SLC44A5: variants seen among roughly 807,000 people sequenced by gnomAD.
SLC44A5 encodes solute carrier family 44 member 5.
In SLC44A5, 57 loss-of-function variants were observed where a neutral mutation model predicts 101.8. The ratio of observed to expected loss-of-function variants is 0.56; its 90% CI spans 0.45 to 0.70. The LOEUF (loss-of-function observed/expected upper bound fraction) is 0.70. Among genes scored for constraint, SLC44A5 ranks in the 30% least tolerant of loss-of-function variants. SLC44A5 has a pLI of 0.00. For synonymous variants in SLC44A5, 281 were observed against 290.9 expected (o/e 0.97, Z 0.35); for missense variants, 737 against 853.1 (o/e 0.86, Z 1.70).
intron 2 of SLC44A5, among the ~76,000 whole-genome samples, chr1:75,469,381 G>A (rs936063680): frequency 5.3e-5 from 8 of 152,206 alleles, no homozygotes; most frequent in Middle Eastern, 3.4e-3. Flanking sequence ...CATAATAAGC[G>A]TGAGCTGTAA....
chr1:75,280,532 C>T (rs1367108879), intron 5 of SLC44A5, among the ~76,000 whole-genome samples: 1 of 136,450 alleles, frequency 7.3e-6, no homozygotes, highest in Non-Finnish European at 1.5e-5. Flanking sequence ...TCTTTATTCA[C>T]TCATTGATTG....
the SLC44A5 span, among the ~76,000 whole-genome samples, chr1:75,691,010 A>G: frequency 6.6e-6 from 1 of 151,822 alleles, no homozygotes; most frequent in Admixed American, 6.6e-5. Flanking sequence ...AAAGAAACCC[A>G]TAAAGGTGGA....
At chr1:75,578,240 C>T (rs1412716) in intron 1 of SLC44A5, among the ~76,000 whole-genome samples, 3,168 of 151,814 alleles carry the variant, frequency 0.021, 35 homozygotes, top group Non-Finnish European at 0.032. Flanking sequence ...TTTTATGATT[C>T]CTTAAAAGTT....
chr1:75,338,722 G>A (rs1439606253), intron 4 of SLC44A5, among the ~76,000 whole-genome samples: 1 of 152,076 alleles, frequency 6.6e-6, no homozygotes, highest in African/African-American at 2.4e-5. Flanking sequence ...TACAAAATTA[G>A]AACAAACTGA....
At chr1:75,486,818 C>T (rs1668176602) in intron 2 of SLC44A5, among the ~76,000 whole-genome samples, 2 of 152,150 alleles carry the variant, frequency 1.3e-5, no homozygotes, top group South Asian at 4.1e-4. Flanking sequence ...CATTTTCTTT[C>T]TGTTCTGAAT....
At chr1:75,475,624 A>G (rs1667340246) in intron 2 of SLC44A5, among the ~76,000 whole-genome samples, 1 of 152,174 alleles carries the variant, frequency 6.6e-6, no homozygotes, top group South Asian at 2.1e-4. Context: ...TCTAATATAT[A>G]TGTCTCACTT....
At chr1:75,299,140 T>C (rs1333664878) in intron 5 of SLC44A5, among the ~76,000 whole-genome samples, 1 of 152,200 alleles carries the variant, frequency 6.6e-6, no homozygotes, top group African/African-American at 2.4e-5. Flanking sequence ...AGAAAATTTA[T>C]TTTATTATAA....
intron 2 of SLC44A5, among the ~76,000 whole-genome samples, chr1:75,442,216 A>G (rs933721645): frequency 6.6e-5 from 10 of 152,160 alleles, no homozygotes; most frequent in African/African-American, 2.2e-4. Flanking sequence ...TTTTCACAAC[A>G]TAATACTTAG....
intron 2 of SLC44A5, among the ~76,000 whole-genome samples, chr1:75,508,196 C>G (rs1669377243): frequency 6.6e-6 from 1 of 151,984 alleles, no homozygotes; most frequent in Admixed American, 6.6e-5. Context: ...AAATAGAAAT[C>G]AATACCAAAA....
At chr1:75,666,874 C>T in the SLC44A5 span, among the ~76,000 whole-genome samples, 68 of 152,220 alleles carry the variant, frequency 4.5e-4, no homozygotes, top group Middle Eastern at 6.8e-3. Flanking sequence ...AGGCATTCAA[C>T]AAAATTCAAC....
the SLC44A5 span, among the ~76,000 whole-genome samples, chr1:75,720,951 C>T: frequency 6.6e-6 from 1 of 151,856 alleles, no homozygotes; most frequent in Non-Finnish European, 1.5e-5. Context: ...AGACCTGGAA[C>T]CAACAGAAAG....
chr1:75,546,879 C>T (rs1377195453), intron 1 of SLC44A5, among the ~76,000 whole-genome samples: 1 of 152,114 alleles, frequency 6.6e-6, no homozygotes, highest in Non-Finnish European at 1.5e-5. Context: ...TAAACTCATA[C>T]TAACTTGTTA....
At chr1:75,571,500 A>C (rs970887699) in intron 1 of SLC44A5, among the ~76,000 whole-genome samples, 17 of 152,306 alleles carry the variant, frequency 1.1e-4, no homozygotes, top group African/African-American at 3.8e-4. Context: ...TTCAGTAGAA[A>C]TCATCCCTCA....
chr1:75,267,828 C>T (rs1570520997), intron 6 of SLC44A5, among the ~76,000 whole-genome samples: 1 of 152,118 alleles, frequency 6.6e-6, no homozygotes, highest in South Asian at 2.1e-4. Context: ...GCCTCGGCTT[C>T]CCAAAGGGCT....
chr1:75,213,884 C>G (rs770048560), intron 21 of SLC44A5, 35 bp downstream of exon 21: 1 of 1,427,050 alleles, frequency 7.0e-7, no homozygotes, highest in South Asian at 1.3e-5. Context: ...ATCTTTTAAA[C>G]TTTTTTTTTT....
At chr1:75,699,582 A>T in the SLC44A5 span, among the ~76,000 whole-genome samples, 2 of 151,502 alleles carry the variant, frequency 1.3e-5, no homozygotes, top group South Asian at 4.2e-4. Context: ...GACTAGGAAG[A>T]AACTGCACCA....
At chr1:75,650,828 A>C in the SLC44A5 span, among the ~76,000 whole-genome samples, 19 of 152,184 alleles carry the variant, frequency 1.2e-4, no homozygotes, top group Non-Finnish European at 1.9e-4. Flanking sequence ...TCCTGGGCTC[A>C]AGCAGTCCTC....
the SLC44A5 span, among the ~76,000 whole-genome samples, chr1:75,683,503 A>G: frequency 6.6e-6 from 1 of 152,194 alleles, no homozygotes; most frequent in Admixed American, 6.5e-5. Flanking sequence ...AACTATCACA[A>G]GAACAAAAAA....
At chr1:75,621,739 A>C in the SLC44A5 span, among the ~76,000 whole-genome samples, 5 of 152,166 alleles carry the variant, frequency 3.3e-5, no homozygotes, top group African/African-American at 9.6e-5. Context: ...TTAAATTTTT[A>C]CACACAAAAA....
Sources: gnomAD v4.1 joint callset for allele counts (sites outside exome capture counted in the v4.1 genomes callset) on GRCh38, gnomAD v4.1.1 for gene constraint, MANE v1.5 for transcripts, NCBI Gene and HGNC (gene_info 2026-07-23, HGNC 2026-07-21) for gene names.